The following ADARB2 variants were observed in gnomAD, a reference collection of about 807,000 sequenced individuals.
ADARB2 encodes the protein inactive double-stranded RNA-specific editase B2.
In ADARB2, 25 loss-of-function variants were observed where a neutral mutation model predicts 62.2. That is an observed-to-expected ratio of 0.40 (90% CI 0.29 to 0.56). The LOEUF is 0.56. Among genes scored for constraint, ADARB2 ranks in the 20% least tolerant of loss-of-function variants. The probability of loss-of-function intolerance (pLI) is 0.43; values close to 1 mark genes in which losing one functional copy is unlikely to be tolerated. For synonymous variants in ADARB2, 572 were observed against 500.8 expected (o/e 1.14, Z -1.90); for missense variants, 1,071 against 1,077.4 (o/e 0.99, Z 0.08).
intron 1 of ADARB2, among the ~76,000 whole-genome samples, chr10:1,571,512 A>G (rs1024153331): frequency 2.6e-5 from 4 of 152,232 alleles, no homozygotes; most frequent in African/African-American, 9.6e-5. Flanking sequence ...ATGAGTAAGA[A>G]TTGTGGATAT....
intron 1 of ADARB2, among the ~76,000 whole-genome samples, chr10:1,662,361 C>T (rs7070710): frequency 0.52 from 79,128 of 151,964 alleles, 21,772 homozygotes; most frequent in East Asian, 0.69. Flanking sequence ...ATTCAGCCAG[C>T]GCCCTGATTG....
At chr10:1,525,768 C>A (rs1269889498) in intron 1 of ADARB2, among the ~76,000 whole-genome samples, 1 of 151,970 alleles carries the variant, frequency 6.6e-6, no homozygotes, top group East Asian at 1.9e-4. Context: ...TGTGTATGCT[C>A]ATGTGCTTGT....
At chr10:1,209,267 ACCCATGCCCACG>A (rs2131747631) in intron 7 of ADARB2, among the ~76,000 whole-genome samples, 1 of 152,040 alleles carries the variant, frequency 6.6e-6, no homozygotes, top group East Asian at 1.9e-4. Flanking sequence ...TGACACCCAC[ACCCATGCCCACG>A]CCTACACCAT....
chr10:1,540,484 G>GCAATTTGAACCCCA (rs545170895), intron 1 of ADARB2, among the ~76,000 whole-genome samples: 25 of 144,946 alleles, frequency 1.7e-4, no homozygotes, highest in Non-Finnish European at 1.9e-4. Flanking sequence ...CCACTCAGAC[G>GCAATTTGAACCCCA]TAGTTCAGAC....
intron 3 of ADARB2, among the ~76,000 whole-genome samples, chr10:1,305,103 G>A (rs1481997281): frequency 7.2e-6 from 1 of 138,464 alleles, no homozygotes; most frequent in African/African-American, 2.5e-5. Context: ...AAAAATTAAT[G>A]AATCCAGGAG....
chr10:1,725,537 G>A (rs1378322086), intron 1 of ADARB2, among the ~76,000 whole-genome samples: 1 of 152,138 alleles, frequency 6.6e-6, no homozygotes, highest in African/African-American at 2.4e-5. Context: ...GCCGGGAAGA[G>A]ACGTCCAGGA....
rs1218423330 is a variant in ADARB2 at position 1,712,629 on chromosome 10, C to T, written c.100+24422G>A. ...ACCATTACTTTTTTTTTTTTTGAAA[C>T]GGAGTCTCCCTCTGTCCCCCAGGGA... On this transcript the variant is annotated intron_variant, in intron 1 of 9. Coordinates refer to ENST00000381312, the MANE Select transcript of ADARB2 (RefSeq NM_018702.4). Among the ~76,000 whole-genome samples, 149 of 81,682 alleles carry T rather than the reference C, an allele frequency of 1.8e-3. 1 individual carries two copies. Among genetic ancestry groups the T allele is most frequent in the African/African-American group, 8.3e-3 (142 of 17,172 alleles). 53.6% of individuals were successfully genotyped at this position (81,682 alleles called of 152,430 possible). A position where few individuals can be genotyped will look rare whatever the true frequency, so the allele number is the denominator to read the frequency against.
chr10:1,657,953 G>T lies in ADARB2; in HGVS notation c.100+79098C>A, dbSNP rs1588341499. Among the ~76,000 whole-genome samples, 6 of 145,956 alleles carry T rather than the reference G, an allele frequency of 4.1e-5. No individual in the cohort carries two copies. The Admixed American group carries it at 4.1e-4, about 10-fold the overall frequency. On this transcript the variant is annotated intron_variant, in intron 1 of 9. Transcript: ENST00000381312. ...TCTCTCTTTATCTGATTCTCTGTCT[G>T]TGTCTGCCTCAGTCTCTCTCTATCT...
intron 4 of ADARB2, among the ~76,000 whole-genome samples, chr10:1,254,251 CCA>C (rs1831061553): frequency 6.6e-6 from 1 of 151,768 alleles, no homozygotes; most frequent in South Asian, 2.1e-4. Flanking sequence ...GTGTAGAACT[CCA>C]GTGCCTGTGA....
intron 1 of ADARB2, among the ~76,000 whole-genome samples, chr10:1,486,180 G>A (rs1250036877): frequency 2.0e-5 from 3 of 151,508 alleles, no homozygotes; most frequent in Non-Finnish European, 4.4e-5. Flanking sequence ...CAATGAAAAT[G>A]TGTGTGTGCA....
At chr10:1,674,298 G>A (rs1201008980) in intron 1 of ADARB2, among the ~76,000 whole-genome samples, 2 of 152,212 alleles carry the variant, frequency 1.3e-5, no homozygotes, top group Admixed American at 6.5e-5. Flanking sequence ...CCAGTCCTAC[G>A]GGTGTGACTT....
chr10:1,259,360 G>A (rs868648913), intron 4 of ADARB2, among the ~76,000 whole-genome samples: 20 of 152,246 alleles, frequency 1.3e-4, no homozygotes, highest in Middle Eastern at 3.4e-3. Context: ...GAATCCAGGA[G>A]CTGGTTTTTT....
chr10:1,359,547 G>T (rs1832230049), intron 3 of ADARB2, among the ~76,000 whole-genome samples: 1 of 152,176 alleles, frequency 6.6e-6, no homozygotes, highest in African/African-American at 2.4e-5. Context: ...TCTATCGTAC[G>T]TCATCTTTAC....
chr10:1,529,958 T>C (rs78931438), intron 1 of ADARB2, among the ~76,000 whole-genome samples: 2 of 22,264 alleles, frequency 9.0e-5, no homozygotes, highest in Non-Finnish European at 1.8e-4. Context: ...CCCCTGCCAC[T>C]GTGGGCACCC....
At position 1,548,376 on chromosome 10, in the gene ADARB2, C is replaced by T. The variant is rs376363495; in HGVS notation, c.101-169216G>A. Among the ~76,000 whole-genome samples, 5 of 152,332 alleles carry T rather than the reference C, an allele frequency of 3.3e-5. No homozygotes were observed. In the South Asian group the frequency reaches 6.2e-4, roughly 19 times the overall value. On this transcript the variant is annotated intron_variant, in intron 1 of 9. Coordinates refer to ENST00000381312, the MANE Select transcript of ADARB2 (RefSeq NM_018702.4). ...TAAACAATGGCTGCTGGTGCGCCAG[C>T]CCTACCCAGTGAGTACCAGTGAGTA...
chr10:1,205,773 T>C (rs1388697865), intron 7 of ADARB2, among the ~76,000 whole-genome samples: 1 of 152,246 alleles, frequency 6.6e-6, no homozygotes, highest in Non-Finnish European at 1.5e-5. Context: ...TGGGCCAGCG[T>C]GTTCTGCGTG....
rs568692826 is a variant in ADARB2 at position 1,616,117 on chromosome 10, A to C, written c.100+120934T>G. Reference sequence around the variant, plus strand: ...CTCCTTCAGAAGTGAGGAATATGGCAGCTGTGTTTTATGTTGACTAATTAT... The same window carrying C: ...CTCCTTCAGAAGTGAGGAATATGGCCGCTGTGTTTTATGTTGACTAATTAT... On this transcript the variant is annotated intron_variant, in intron 1 of 9. Transcript: ENST00000381312. 2.6e-5 allele frequency among the ~76,000 whole-genome samples: 4 copies of C among 152,320 alleles called. No individual in the cohort carries two copies. The East Asian group carries it at 7.7e-4, about 29-fold the overall frequency.
At chr10:1,396,530 A>T (rs1188185911) in intron 1 of ADARB2, among the ~76,000 whole-genome samples, 1 of 151,914 alleles carries the variant, frequency 6.6e-6, no homozygotes, top group Non-Finnish European at 1.5e-5. Context: ...CCTCCCTGCC[A>T]TCCCCGCCTG....
intron 1 of ADARB2, among the ~76,000 whole-genome samples, chr10:1,638,739 T>A (rs1220337799): frequency 6.6e-6 from 1 of 152,196 alleles, no homozygotes; most frequent in East Asian, 1.9e-4. Flanking sequence ...AAATGGTGGT[T>A]CCCACTGCAG....
Sources: allele counts gnomAD v4.1 joint callset (sites outside exome capture counted in the v4.1 genomes callset), GRCh38; gene constraint gnomAD v4.1.1; transcripts MANE v1.5; gene names NCBI Gene and HGNC (gene_info 2026-07-23, HGNC 2026-07-21).